Variants in EPB42 observed in about 807,000 individuals in gnomAD.
EPB42 encodes the protein protein 4.2.
A neutral mutation model predicts 76.9 loss-of-function variants in EPB42; 49 were observed. That is an observed-to-expected ratio of 0.64 (90% CI 0.51 to 0.81). EPB42 has a LOEUF of 0.81. EPB42 is among the 30% of genes least tolerant of loss of function. The pLI, the probability that EPB42 is intolerant of heterozygous loss-of-function variation, is 0.00. For synonymous variants in EPB42, 310 were observed against 338.4 expected (o/e 0.92, Z 0.92); for missense variants, 731 against 867.6 (o/e 0.84, Z 1.98).
chr15:43,224,503 A>T (rs2042490273), upstream of EPB42, among the ~76,000 whole-genome samples: 1 of 144,350 alleles, frequency 6.9e-6, no homozygotes, highest in African/African-American at 2.5e-5. Flanking sequence ...GCTCTCACTT[A>T]AAAAAAAAAA....
At chr15:43,212,899 G>T (rs2042322307) in intron 3 of EPB42, among the ~76,000 whole-genome samples, 1 of 152,284 alleles carries the variant, frequency 6.6e-6, no homozygotes, top group African/African-American at 2.4e-5. Context: ...AGAGAGAAAA[G>T]GATTTCCAAA....
intron 2 of EPB42, 97 bp downstream of exon 2, chr15:43,216,171 G>A (rs2042375535): frequency 6.9e-7 from 1 of 1,458,816 alleles, no homozygotes; most frequent in Non-Finnish European, 9.5e-7. Flanking sequence ...CAGCTGCAGT[G>A]TGGGCCATTT....
At chr15:43,211,557 G>A in intron 3 of EPB42, 23 bp from the exon 4 acceptor site, 3 of 1,514,418 alleles carry the variant, frequency 2.0e-6, no homozygotes, top group Non-Finnish European at 2.8e-6. Flanking sequence ...GGGTAGGGAT[G>A]AGGGCCTGTG....
Position 43,206,138 on chromosome 15 carries a change from G to T in EPB42, c.1618+192C>A. 1 of 610,590 alleles carries T rather than the reference G, an allele frequency of 1.6e-6. No homozygotes were observed. The highest frequency in any genetic ancestry group is 2.8e-6 in the Non-Finnish European group (1 of 363,300). The allele number at this position is 610,590 out of a possible 1,614,324, so 37.8% of individuals were successfully genotyped here. ...CTTATCTGACTGCAGTTGGCATCGT[G>T]TTTTTTTCCTGCTTCAGGCCCAATA... is the stretch of plus-strand genomic sequence containing the variant. On this transcript the variant is annotated intron_variant, in intron 10 of 12. Transcript: ENST00000441366. This position sits in a 1 kb window ranked among gnomAD's most constrained non-coding sequence, Gnocchi z 4.7.
chr15:43,198,069 T>C (rs1017197249), intron 12 of EPB42, among the ~76,000 whole-genome samples: 3 of 152,162 alleles, frequency 2.0e-5, no homozygotes, highest in African/African-American at 7.2e-5. Flanking sequence ...TTAAACCTCT[T>C]TTTCTTCCCA....
At position 43,197,422 on chromosome 15, in the gene EPB42, G is replaced by T. The variant is rs1174220674; in HGVS notation, c.1956C>A (p.Phe652Leu). The T allele has an allele frequency of 6.2e-7, 1 of 1,614,164 alleles. No individual in the cohort carries two copies. Among genetic ancestry groups the T allele is most frequent in the East Asian group, 2.2e-5 (1 of 44,876 alleles). Residue 652 changes from phenylalanine (F) to leucine (L), a missense_variant, in exon 13 of 13, where the codon TTC becomes TTA. Transcript: ENST00000441366. ...VWPENTMCAKFQFTPTHVGLQ... is the reference protein window; with the variant it reads ...VWPENTMCAKLQFTPTHVGLQ... ...GCCCCACATGTGTTGGCGTGAACTG[G>T]AACTTGGCACACATGGTGTTTTCAG...
rs138945153 is a variant in EPB42, at chr15:43,213,055, G to T, written c.431-1521C>A. Among the ~76,000 whole-genome samples, 581 of 152,234 alleles carry T rather than the reference G, an allele frequency of 3.8e-3. 4 individuals carry two copies. The highest frequency in any genetic ancestry group is 0.013 in the African/African-American group (559 of 41,518). Reference sequence around the variant, plus strand: ...GGGGCCTAAAATTACAGACCCATATGCCCAAGGAGCCCTCCACTCCTGCCT... The same window carrying T: ...GGGGCCTAAAATTACAGACCCATATTCCCAAGGAGCCCTCCACTCCTGCCT... On this transcript the variant is annotated intron_variant, in intron 3 of 12. Transcript: ENST00000441366.
At chr15:43,208,813 G>A in intron 6 of EPB42, 38 bp from the exon 7 acceptor site, 1 of 1,608,528 alleles carries the variant, frequency 6.2e-7, no homozygotes, top group Non-Finnish European at 8.5e-7. Context: ...GGGCGCTTGA[G>A]AGACCGGGCT....
intron 10 of EPB42, among the ~76,000 whole-genome samples, chr15:43,205,635 G>A (rs955408765): frequency 1.3e-5 from 2 of 152,052 alleles, no homozygotes; most frequent in South Asian, 4.2e-4. Context: ...CCTGACCTCA[G>A]GTGATCTGTC....
intron 12 of EPB42, among the ~76,000 whole-genome samples, chr15:43,201,094 C>T (rs1394754937): frequency 1.3e-5 from 2 of 152,134 alleles, no homozygotes; most frequent in Non-Finnish European, 2.9e-5. Flanking sequence ...GGATTACAGG[C>T]GTGAGCCACC....
chr15:43,208,482 G>A, intron 7 of EPB42, 149 bp from the exon 8 acceptor site: 1 of 1,409,832 alleles, frequency 7.1e-7, no homozygotes. Context: ...GAAGGGGCGT[G>A]CACACCATCA....
rs778309271 is a variant in EPB42, at chr15:43,208,782, G to A, written c.833-7C>T. On this transcript the variant is annotated splice_region_variant and splice_polypyrimidine_tract_variant and intron_variant, in intron 6 of 12. Transcript: ENST00000441366. ...ATTCCCAGGCATCGCAGCACTGTGA[G>A]AAGAGGGGCGGAGTGTCAGGGGGCG... 1.9e-6 allele frequency: 3 copies of A among 1,613,642 alleles called. No individual in the cohort carries two copies. The African/African-American group carries it at 4.0e-5, about 22-fold the overall frequency.
chr15:43,206,529 AC>A lies in EPB42; in HGVS notation c.1418del (p.Ser473IlefsTer7). ...GTGCTTTCAAGAGCAGGTACAGAGG[AC>A]TGGCAGTCTCGAGACTGGGAGGACG... ...GIRPPSLETA[S>X]PLYLLLKAPS... On this transcript the variant is annotated frameshift_variant, in exon 10 of 13. Coordinates refer to ENST00000441366, the MANE Select transcript of EPB42 (RefSeq NM_001114134.2). LOFTEE classifies it high-confidence loss of function. The surrounding 1 kb of genome is among the most constrained non-coding windows in gnomAD (Gnocchi z 4.7). 6.2e-7 allele frequency: 1 copy of A among 1,614,148 alleles called. No individual in the cohort carries two copies. Among genetic ancestry groups the A allele is most frequent in the Non-Finnish European group, 8.5e-7 (1 of 1,180,010 alleles).
intron 10 of EPB42, among the ~76,000 whole-genome samples, chr15:43,204,563 C>T (rs150142689): frequency 7.1e-4 from 108 of 152,274 alleles, no homozygotes; most frequent in Admixed American, 1.4e-3. Context: ...CCAAATCCAT[C>T]CTTTTTCTCC....
chr15:43,212,431 A>T (rs1463169505), intron 3 of EPB42, among the ~76,000 whole-genome samples: 1 of 152,156 alleles, frequency 6.6e-6, no homozygotes, highest in Non-Finnish European at 1.5e-5. Context: ...CACAGCCAGA[A>T]CACTATCGTC....
At chr15:43,220,261 T>C (rs2042437456) in intron 1 of EPB42, among the ~76,000 whole-genome samples, 1 of 152,082 alleles carries the variant, frequency 6.6e-6, no homozygotes, top group African/African-American at 2.4e-5. Flanking sequence ...CCAAGAGTGC[T>C]GCGACTCTGA....
chr15:43,222,712 G>C (rs2042473347), upstream of EPB42, among the ~76,000 whole-genome samples: 1 of 152,184 alleles, frequency 6.6e-6, no homozygotes, highest in Non-Finnish European at 1.5e-5. Flanking sequence ...CAAAATACAT[G>C]TATTAAATGT....
Position 43,208,230 on chromosome 15 carries a change from C to T in EPB42, c.1075G>A (p.Val359Ile). ...LHPSAPNGGG[V>I]LGSCDLVPVR... is the part of the protein sequence containing the mutation. ...TCCTGGACCCACCCCTAGGCTTTAC[C>T]TCCACCTCCATTAGGAGCACTTGGG... Residue 359 changes from valine (V) to isoleucine (I), a missense_variant and splice_region_variant, in exon 8 of 13, where the codon GTC becomes ATC. Physicochemically the swap from Val to Ile is conservative, Grantham distance 29. Transcript: ENST00000441366. 1 of 1,613,822 alleles carries T rather than the reference C, an allele frequency of 6.2e-7. No individual in the cohort carries two copies. The highest frequency in any genetic ancestry group is 2.2e-5 in the East Asian group (1 of 44,886).
chr15:43,214,390 A>G (rs1409902725), intron 3 of EPB42, among the ~76,000 whole-genome samples: 1 of 152,154 alleles, frequency 6.6e-6, no homozygotes, highest in East Asian at 1.9e-4. Context: ...GAAGCCGCTC[A>G]TAGTCTGGTG....
Sources: allele counts gnomAD v4.1 joint callset (sites outside exome capture counted in the v4.1 genomes callset), GRCh38; gene constraint gnomAD v4.1.1; non-coding constraint Gnocchi (gnomAD v3.1); transcripts MANE v1.5; gene names NCBI Gene and HGNC (gene_info 2026-07-23, HGNC 2026-07-21).